MID2: variants seen among roughly 807,000 people sequenced by gnomAD.
MID2 encodes the protein midline 2, also known as probable E3 ubiquitin-protein ligase MID2.
Under a neutral mutation model 46.1 loss-of-function variants are expected in MID2, and 13 were observed. The ratio of observed to expected loss-of-function variants is 0.28; its 90% CI spans 0.18 to 0.45. The LOEUF is 0.45. MID2 is among the 20% of genes least tolerant of loss of function. The pLI is 1.00. For missense variants in MID2, 431 were observed against 575.4 expected, an observed-to-expected ratio of 0.75 and a Z score of 2.57; for synonymous variants, 199 against 212.3, an observed-to-expected ratio of 0.94 and a Z score of 0.55.
intron 5 of MID2, among the ~76,000 whole-genome samples, chrX:107,914,484 A>T (rs1602505189): frequency 8.9e-6 from 1 of 112,299 alleles, no homozygotes; most frequent in East Asian, 2.8e-4. Context: ...TGTTGTTGGT[A>T]GATGTATAGC....
intron 3 of MID2, among the ~76,000 whole-genome samples, chrX:107,888,900 T>C (rs1312939188): frequency 3.6e-5 from 4 of 111,581 alleles, no homozygotes; most frequent in Admixed American, 9.5e-5. Context: ...TTTGATCTTT[T>C]TGTTGGTTTA....
At chrX:107,839,379 GT>G (rs746993882) in intron 1 of MID2, among the ~76,000 whole-genome samples, 56 of 93,673 alleles carry the variant, frequency 6.0e-4, no homozygotes, top group African/African-American at 6.3e-4. Flanking sequence ...TGTTTTGTTT[GT>G]TTTTTTTTTT....
chrX:107,842,464 A>C (rs1441733027), intron 2 of MID2, among the ~76,000 whole-genome samples: 1 of 112,246 alleles, frequency 8.9e-6, no homozygotes, highest in African/African-American at 3.2e-5. Flanking sequence ...CCAAGCTAGA[A>C]GAAAGACCCA....
At chrX:107,848,797 G>C (rs964333143) in intron 2 of MID2, among the ~76,000 whole-genome samples, 1 of 111,961 alleles carries the variant, frequency 8.9e-6, no homozygotes, top group African/African-American at 3.2e-5. Context: ...TAAAGTGACA[G>C]ACTGAAGCAA....
intron 2 of MID2, among the ~76,000 whole-genome samples, chrX:107,851,016 T>C (rs767416286): frequency 8.9e-6 from 1 of 112,449 alleles, no homozygotes; most frequent in Non-Finnish European, 1.9e-5. Flanking sequence ...TTGGCGTTCA[T>C]CAATCTACAT....
At chrX:107,849,303 T>C (rs758868807) in intron 2 of MID2, among the ~76,000 whole-genome samples, 3 of 111,883 alleles carry the variant, frequency 2.7e-5, no homozygotes, top group African/African-American at 9.7e-5. Flanking sequence ...TGCTCATATA[T>C]GTGCGAATAC....
chrX:107,868,709 T>C (rs768721259), intron 3 of MID2, among the ~76,000 whole-genome samples: 1 of 111,461 alleles, frequency 9.0e-6, no homozygotes, highest in Non-Finnish European at 1.9e-5. Flanking sequence ...GGGTTGAAGC[T>C]TTGTGGATGG....
At chrX:107,875,929 G>A (rs1932189428) in intron 3 of MID2, among the ~76,000 whole-genome samples, 1 of 111,346 alleles carries the variant, frequency 9.0e-6, no homozygotes, top group African/African-American at 3.3e-5. Context: ...CTGGACCACT[G>A]GAGCTACAGA....
At chrX:107,860,253 G>T (rs1033246660) in intron 3 of MID2, among the ~76,000 whole-genome samples, 3 of 111,520 alleles carry the variant, frequency 2.7e-5, no homozygotes, top group Non-Finnish European at 3.8e-5. Context: ...GAGTGAGGGA[G>T]AAGAAATACT....
intron 3 of MID2, among the ~76,000 whole-genome samples, chrX:107,887,461 C>T (rs1315283409): frequency 2.7e-5 from 3 of 111,656 alleles, no homozygotes; most frequent in Non-Finnish European, 5.6e-5. Flanking sequence ...GCCTTGCATC[C>T]CAGGGATGAA....
intron 1 of MID2, among the ~76,000 whole-genome samples, chrX:107,829,019 A>G (rs1931031963): frequency 8.9e-6 from 1 of 111,869 alleles, no homozygotes; most frequent in Non-Finnish European, 1.9e-5. Flanking sequence ...AGCTGGGACT[A>G]TAGGCACACA....
intron 3 of MID2, among the ~76,000 whole-genome samples, chrX:107,864,537 G>A (rs771339786): frequency 3.1e-4 from 34 of 111,407 alleles, no homozygotes; most frequent in South Asian, 1.9e-3. Context: ...TGAGACTGCC[G>A]GGATGGGTCC....
chrX:107,847,916 C>G (rs1425218082), intron 2 of MID2, among the ~76,000 whole-genome samples: 4 of 111,153 alleles, frequency 3.6e-5, no homozygotes, highest in Non-Finnish European at 7.6e-5. Flanking sequence ...TTTGAATGCC[C>G]TGTTAGGGGA....
chrX:107,833,178 T>G (rs757895232), intron 1 of MID2, among the ~76,000 whole-genome samples: 1 of 111,161 alleles, frequency 9.0e-6, no homozygotes, highest in East Asian at 2.8e-4. Flanking sequence ...CAAGCTGTCT[T>G]TTTATGTGGT....
chrX:107,912,717 T>C (rs1049600904), intron 5 of MID2, among the ~76,000 whole-genome samples: 1 of 111,421 alleles, frequency 9.0e-6, no homozygotes, highest in African/African-American at 3.3e-5. Flanking sequence ...ATCTAGATGG[T>C]TATGATTCCC....
rs1177184448 is a variant in MID2 at position 107,845,492 on chromosome X, AACAC to A, written c.720+4138_720+4141del. On this transcript the variant is annotated intron_variant, in intron 2 of 9. Transcript: ENST00000262843. The stretch of plus-strand genomic sequence containing the variant: ...AGTAAGCCTTTTATCATGGGAAAGT[AACAC>A]ACACACACACACACACACACACACA... Among the ~76,000 whole-genome samples the A allele has an allele frequency of 3.6e-3, 315 of 86,486 alleles. 2 individuals carry two copies. The highest frequency in any genetic ancestry group is 0.015 in the South Asian group (27 of 1,795). The allele number at this position is 86,486 out of a possible 115,157, so 75.1% of individuals were successfully genotyped here.
At chrX:107,865,180 A>G (rs764372677) in intron 3 of MID2, among the ~76,000 whole-genome samples, 11 of 112,160 alleles carry the variant, frequency 9.8e-5, no homozygotes, top group Non-Finnish European at 1.9e-4. Flanking sequence ...CTAACAACCC[A>G]TGGCTCCATG....
intron 2 of MID2, among the ~76,000 whole-genome samples, chrX:107,843,856 G>A (rs912954933): frequency 6.3e-5 from 7 of 110,359 alleles, no homozygotes; most frequent in African/African-American, 2.3e-4. Context: ...AGGAGAAAGG[G>A]AGAAAGTTGG....
At chrX:107,883,960 C>T in intron 3 of MID2, among the ~76,000 whole-genome samples, 1 of 112,366 alleles carries the variant, frequency 8.9e-6, no homozygotes, top group South Asian at 3.7e-4. Flanking sequence ...GCTCACTATC[C>T]AAATAAGGAC....
Sources: allele counts gnomAD v4.1 joint callset (sites outside exome capture counted in the v4.1 genomes callset), GRCh38; gene constraint gnomAD v4.1.1; transcripts MANE v1.5; gene names NCBI Gene and HGNC (gene_info 2026-07-23, HGNC 2026-07-21).